Variants in EPN2 observed in about 807,000 individuals in gnomAD.
EPN2 encodes the protein epsin 2.
A neutral mutation model predicts 61.7 loss-of-function variants in EPN2; 34 were observed. The observed-to-expected ratio is 0.55, with a 90% confidence interval of 0.42 to 0.73. The LOEUF (loss-of-function observed/expected upper bound fraction) is 0.73. EPN2 is among the 30% of genes least tolerant of loss of function. EPN2 has a pLI of 0.00. For synonymous variants in EPN2, 349 were observed against 353.6 expected (o/e 0.99, Z 0.15); for missense variants, 714 against 839.2 (o/e 0.85, Z 1.84).
chr17:19,248,317 A>C (rs1159751490), intron 1 of EPN2: 4 of 152,234 alleles, frequency 2.6e-5, no homozygotes, highest in Non-Finnish European at 5.9e-5. Context: ...GATGGGCAGA[A>C]GAGACTGTGA....
At chr17:19,265,415 G>A (rs1397798734) in intron 1 of EPN2, among the ~76,000 whole-genome samples, 2 of 151,662 alleles carry the variant, frequency 1.3e-5, no homozygotes, top group African/African-American at 4.9e-5. Context: ...AGTTACATGC[G>A]GTCTCACACA....
intron 1 of EPN2, among the ~76,000 whole-genome samples, chr17:19,253,573 G>A (rs958634020): frequency 6.6e-6 from 1 of 151,436 alleles, no homozygotes; most frequent in Non-Finnish European, 1.5e-5. Context: ...GCTAATTGTT[G>A]TATTTTTTGT....
At chr17:19,256,419 CAAAAA>C (rs61210278) in intron 1 of EPN2, among the ~76,000 whole-genome samples, 17 of 67,968 alleles carry the variant, frequency 2.5e-4, no homozygotes, top group Admixed American at 4.9e-4. Flanking sequence ...GACCCTGTCT[CAAAAA>C]AAAAAAAAAA....
chr17:19,254,952 G>A (rs1264246481), intron 1 of EPN2, among the ~76,000 whole-genome samples: 2 of 152,202 alleles, frequency 1.3e-5, no homozygotes, highest in Non-Finnish European at 2.9e-5. Context: ...TGTGGAAAGT[G>A]AAGTGGATTT....
chr17:19,300,424 A>AAT (rs1195927929), intron 4 of EPN2, among the ~76,000 whole-genome samples: 2 of 110,426 alleles, frequency 1.8e-5, no homozygotes, highest in African/African-American at 7.3e-5. Flanking sequence ...ATAAACTGTA[A>AAT]ATCTTTTTTT....
chr17:19,267,704 G>A (rs1223258228), intron 1 of EPN2, among the ~76,000 whole-genome samples: 1 of 151,944 alleles, frequency 6.6e-6, no homozygotes, highest in Admixed American at 6.6e-5. Context: ...TACCACACCC[G>A]GCTAATTTTT....
intron 4 of EPN2, among the ~76,000 whole-genome samples, chr17:19,293,334 C>T (rs963556431): frequency 4.1e-5 from 6 of 147,848 alleles, no homozygotes; most frequent in Admixed American, 1.4e-4. Flanking sequence ...GAGCCGAGAT[C>T]ACTCCAGCCT....
chr17:19,317,540 T>C (rs1906443615), intron 7 of EPN2, among the ~76,000 whole-genome samples: 1 of 152,048 alleles, frequency 6.6e-6, no homozygotes, highest in Non-Finnish European at 1.5e-5. Context: ...CCTGTGCACA[T>C]GAATATTCAT....
Position 19,286,263 on chromosome 17 carries a change from C to G in EPN2, c.766+473C>G, listed in dbSNP as rs547663303. On this transcript the variant is annotated intron_variant, in intron 4 of 10. Transcript: ENST00000314728. ...TTAATGCAGTAATGTATGCCTTGCC[C>G]TGAATAAAATGGGATTTTTTTTTTG... Among the ~76,000 whole-genome samples, 13 of 151,806 alleles carry G rather than the reference C, an allele frequency of 8.6e-5. No homozygotes were observed. In the South Asian group the frequency reaches 2.6e-3, roughly 30 times the overall value.
chr17:19,311,454 T>C (rs996065146), intron 5 of EPN2, among the ~76,000 whole-genome samples: 2 of 152,082 alleles, frequency 1.3e-5, no homozygotes, highest in African/African-American at 4.8e-5. Flanking sequence ...AGACCCTATC[T>C]CTTAAAAACA....
chr17:19,257,133 G>T (rs962179020), intron 1 of EPN2, among the ~76,000 whole-genome samples: 5 of 152,178 alleles, frequency 3.3e-5, no homozygotes, highest in African/African-American at 1.2e-4. Context: ...TTAAGCAAAT[G>T]AAACCCTAAT....
chr17:19,298,267 TC>T (rs1338488501), intron 4 of EPN2, among the ~76,000 whole-genome samples: 1 of 152,204 alleles, frequency 6.6e-6, no homozygotes, highest in African/African-American at 2.4e-5. Flanking sequence ...CGATTTCTGC[TC>T]ACTGCAACCT....
intron 1 of EPN2, among the ~76,000 whole-genome samples, chr17:19,253,151 ATCCGTT>A (rs1233147484): frequency 3.3e-5 from 5 of 152,160 alleles, no homozygotes; most frequent in Admixed American, 6.5e-5. Flanking sequence ...AGCCCCTGGT[ATCCGTT>A]AACCTACTTT....
intron 4 of EPN2, among the ~76,000 whole-genome samples, chr17:19,309,387 C>T (rs955245420): frequency 3.3e-5 from 5 of 152,174 alleles, no homozygotes; most frequent in African/African-American, 9.7e-5. Context: ...CCTCGGCCTC[C>T]CAAAGTGTGA....
At chr17:19,262,123 G>A (rs1754067212) in intron 1 of EPN2, among the ~76,000 whole-genome samples, 1 of 151,982 alleles carries the variant, frequency 6.6e-6, no homozygotes, top group African/African-American at 2.4e-5. Context: ...GGAGGCAGAG[G>A]TTGCAATGAG....
At chr17:19,257,213 G>C (rs1250502659) in intron 1 of EPN2, among the ~76,000 whole-genome samples, 1 of 151,012 alleles carries the variant, frequency 6.6e-6, no homozygotes, top group Non-Finnish European at 1.5e-5. Flanking sequence ...CAAAAATCTT[G>C]CTTTTTCCCC....
At chr17:19,252,625 A>AT (rs1283646352) in intron 1 of EPN2, among the ~76,000 whole-genome samples, 1 of 152,056 alleles carries the variant, frequency 6.6e-6, no homozygotes, top group African/African-American at 2.4e-5. Context: ...CCTAATTCTG[A>AT]TTTTCATATT....
chr17:19,261,238 C>T (rs1227420150), intron 1 of EPN2, among the ~76,000 whole-genome samples: 2 of 152,236 alleles, frequency 1.3e-5, no homozygotes, highest in African/African-American at 4.8e-5. Context: ...GCCTGATTCC[C>T]CACTGACTCG....
rs575364874 is a variant in EPN2 at position 19,289,748 on chromosome 17, A to G, written c.766+3958A>G. The stretch of plus-strand genomic sequence containing the variant: ...GGTTTTTTTTTTTTTTTTTTTTGAG[A>G]TGGAGTCTCACTCTGTTGGCCAGGC... On this transcript the variant is annotated intron_variant, in intron 4 of 10. Transcript: ENST00000314728. 6.5e-4 allele frequency among the ~76,000 whole-genome samples: 6 copies of G among 9,280 alleles called. No individual in the cohort carries two copies. In the Non-Finnish European group the frequency reaches 8.4e-3, roughly 13 times the overall value. 6.1% of individuals were successfully genotyped at this position (9,280 alleles called of 152,430 possible).
Sources: allele counts gnomAD v4.1 joint callset (sites outside exome capture counted in the v4.1 genomes callset), GRCh38; gene constraint gnomAD v4.1.1; transcripts MANE v1.5; gene names NCBI Gene and HGNC (gene_info 2026-07-23, HGNC 2026-07-21).